MBD5: variants seen among roughly 807,000 people sequenced by gnomAD.
MBD5 encodes the protein methyl-CpG binding domain protein 5, also known as methyl-CpG-binding domain protein 5.
In MBD5, 13 loss-of-function variants were observed where a neutral mutation model predicts 117.3. The ratio of observed to expected loss-of-function variants is 0.11; its 90% confidence interval spans 0.07 to 0.18. The LOEUF (loss-of-function observed/expected upper bound fraction) is 0.18. MBD5 is among the 10% of genes least tolerant of loss of function. MBD5 has a pLI of 1.00. For synonymous variants in MBD5, 727 were observed against 766.4 expected (o/e 0.95, Z 0.85); for missense variants, 1,879 against 2,093.8 (o/e 0.90, Z 2.00).
intron 2 of MBD5, among the ~76,000 whole-genome samples, chr2:148,228,996 CT>C (rs1296582833): frequency 6.6e-6 from 1 of 151,982 alleles, no homozygotes; most frequent in Non-Finnish European, 1.5e-5. Flanking sequence ...TGATTCTTCT[CT>C]CTTTTCTTCT....
intron 7 of MBD5, among the ~76,000 whole-genome samples, chr2:148,467,373 A>C (rs1680584846): frequency 6.6e-6 from 1 of 152,170 alleles, no homozygotes; most frequent in African/African-American, 2.4e-5. Flanking sequence ...GAAAAACTGA[A>C]GGGATTCCAA....
chr2:148,207,455 C>CA (rs3076428), intron 2 of MBD5, among the ~76,000 whole-genome samples: 3,127 of 145,192 alleles, frequency 0.022, 97 homozygotes, highest in African/African-American at 0.07. Flanking sequence ...AAAAAAAGGA[C>CA]AAAAAAAAAA....
chr2:148,152,831 G>A (rs1373655343), intron 1 of MBD5, among the ~76,000 whole-genome samples: 1 of 151,826 alleles, frequency 6.6e-6, no homozygotes, highest in Non-Finnish European at 1.5e-5. Flanking sequence ...GCATATGTGT[G>A]TCTCTGCACG....
chr2:148,028,343 A>T (rs1331215619), intron 1 of MBD5: 1 of 152,016 alleles, frequency 6.6e-6, no homozygotes, highest in Non-Finnish European at 1.5e-5. Context: ...ATGGGAGGAA[A>T]ATTTTCTGTG....
chr2:148,096,911 A>G (rs997784965), intron 1 of MBD5, among the ~76,000 whole-genome samples: 7 of 152,174 alleles, frequency 4.6e-5, no homozygotes, highest in Non-Finnish European at 8.8e-5. Flanking sequence ...CAAGGAAACC[A>G]GGGTAAAAAA....
intron 4 of MBD5, among the ~76,000 whole-genome samples, chr2:148,410,247 G>A (rs1705210599): frequency 2.0e-5 from 3 of 152,052 alleles, no homozygotes; most frequent in South Asian, 4.1e-4. Context: ...TGAGTAAAAA[G>A]CAATACTTCT....
intron 4 of MBD5, among the ~76,000 whole-genome samples, chr2:148,380,748 G>T (rs905162402): frequency 6.6e-6 from 1 of 152,142 alleles, no homozygotes; most frequent in Non-Finnish European, 1.5e-5. Flanking sequence ...ACCTCACACA[G>T]CCGGGTACTC....
At chr2:148,396,666 G>T (rs1297879309) in intron 4 of MBD5, among the ~76,000 whole-genome samples, 1 of 152,086 alleles carries the variant, frequency 6.6e-6, no homozygotes, top group Non-Finnish European at 1.5e-5. Flanking sequence ...GAGCTTTCTT[G>T]CCTTCTGGCT....
At position 148,462,624 on chromosome 2, in the gene MBD5, A is replaced by C. The variant is rs796958008; in HGVS notation, c.156A>C (p.Thr52=). ...SLLSCLEQVK[T]YLLTDGTCKC... is the part of the protein sequence containing the mutation. ...TATCTTGCTTGGAGCAGGTTAAAAC[A>C]TACCTGCTTACTGATGGAACATGCA... Residue 52 remains threonine, a synonymous_variant, in exon 6 of 14, where the codon ACA becomes ACC. Coordinates refer to ENST00000642680, the MANE Select transcript of MBD5 (RefSeq NM_001378120.1). 1 of 1,612,986 alleles carries C rather than the reference A, an allele frequency of 6.2e-7. No individual in the cohort carries two copies. The highest frequency in any genetic ancestry group is 1.3e-5 in the African/African-American group (1 of 75,002).
At chr2:148,320,017 G>C (rs1702247074) in intron 3 of MBD5, among the ~76,000 whole-genome samples, 1 of 152,158 alleles carries the variant, frequency 6.6e-6, no homozygotes, top group Non-Finnish European at 1.5e-5. Flanking sequence ...ATGATCATAT[G>C]ATTCTTGTTC....
At chr2:148,073,308 A>G (rs552196263) in intron 1 of MBD5, among the ~76,000 whole-genome samples, 12 of 152,270 alleles carry the variant, frequency 7.9e-5, no homozygotes, top group South Asian at 2.1e-4. Context: ...ACACAGCCCA[A>G]TAAACATTTT....
chr2:148,364,393 C>T (rs542750779), intron 4 of MBD5, among the ~76,000 whole-genome samples: 1 of 152,274 alleles, frequency 6.6e-6, no homozygotes, highest in South Asian at 2.1e-4. Context: ...CAAAAACATA[C>T]CAAATTGTAA....
intron 5 of MBD5, among the ~76,000 whole-genome samples, chr2:148,459,500 G>A (rs1327442856): frequency 2.0e-5 from 3 of 151,942 alleles, no homozygotes; most frequent in Non-Finnish European, 2.9e-5. Context: ...TTAAGAAGAA[G>A]TTTTAGTCTT....
At chr2:148,249,420 G>A (rs987303850) in intron 3 of MBD5, among the ~76,000 whole-genome samples, 1 of 152,058 alleles carries the variant, frequency 6.6e-6, no homozygotes, top group African/African-American at 2.4e-5. Context: ...AAAACAATAA[G>A]TAAAATAATT....
chr2:148,142,035 T>C (rs1697329866), intron 1 of MBD5, among the ~76,000 whole-genome samples: 1 of 151,796 alleles, frequency 6.6e-6, no homozygotes, highest in Non-Finnish European at 1.5e-5. Context: ...AGAAAACCTA[T>C]GGAGAACTCC....
At chr2:148,188,433 G>A (rs879846463) in intron 2 of MBD5, among the ~76,000 whole-genome samples, 13 of 152,114 alleles carry the variant, frequency 8.5e-5, no homozygotes, top group Non-Finnish European at 1.6e-4. Flanking sequence ...ATGCCTGTAA[G>A]TAAACACTTT....
intron 4 of MBD5, among the ~76,000 whole-genome samples, chr2:148,437,208 C>T (rs1706180421): frequency 6.6e-6 from 1 of 152,056 alleles, no homozygotes; most frequent in African/African-American, 2.4e-5. Flanking sequence ...GTCTCGATCT[C>T]CTGACCTCAT....
chr2:148,057,404 A>G (rs534152945), intron 1 of MBD5, among the ~76,000 whole-genome samples: 2 of 151,762 alleles, frequency 1.3e-5, no homozygotes, highest in South Asian at 2.1e-4. Context: ...GCTTTGTTAT[A>G]TAAGGTTTTT....
At chr2:148,102,800 G>T in intron 1 of MBD5, among the ~76,000 whole-genome samples, 1 of 150,154 alleles carries the variant, frequency 6.7e-6, no homozygotes, top group Admixed American at 6.7e-5. Context: ...CGTTTGTATA[G>T]GGCATTTGTA....
Sources: gnomAD v4.1 joint callset for allele counts (sites outside exome capture counted in the v4.1 genomes callset) on GRCh38, gnomAD v4.1.1 for gene constraint, MANE v1.5 for transcripts, NCBI Gene and HGNC (gene_info 2026-07-23, HGNC 2026-07-21) for gene names.